NRXN1: variants seen among roughly 807,000 people sequenced by gnomAD.
NRXN1 encodes the protein neurexin 1.
Under a neutral mutation model 150.9 loss-of-function variants are expected in NRXN1, and 39 were observed. The observed-to-expected ratio is 0.26, with a 90% CI of 0.20 to 0.34. NRXN1 has a LOEUF of 0.34. Ranked by LOEUF, NRXN1 falls within the 10% of genes least tolerant of loss-of-function variation. NRXN1 has a pLI of 1.00. For missense variants in NRXN1, 1,815 were observed against 1,949.9 expected (o/e 0.93, Z 1.30); for synonymous variants, 924 against 757.0 (o/e 1.22, Z -3.62).
At chr2:50,507,019 T>C (rs1363027769) in intron 12 of NRXN1, 2 of 162,866 alleles carry the variant, frequency 1.2e-5, no homozygotes, top group African/African-American at 2.4e-5. Flanking sequence ...ACCACTTTCC[T>C]GCTAACAAAG....
chr2:50,262,069 T>A (rs1380281374), intron 17 of NRXN1, among the ~76,000 whole-genome samples: 2 of 151,904 alleles, frequency 1.3e-5, no homozygotes, highest in African/African-American at 4.8e-5. Flanking sequence ...GAGCATGAAG[T>A]AGAAAGTTAA....
intron 5 of NRXN1, among the ~76,000 whole-genome samples, chr2:50,745,263 G>C (rs1699872780): frequency 6.6e-6 from 1 of 151,632 alleles, no homozygotes; most frequent in Non-Finnish European, 1.5e-5. Flanking sequence ...CATAGTAAGT[G>C]CTCAGTAAAT....
intron 18 of NRXN1, chr2:50,185,695 G>A (rs1404685572): frequency 6.6e-6 from 1 of 151,974 alleles, no homozygotes; most frequent in African/African-American, 2.4e-5. Context: ...CTGCATCCTT[G>A]AATCATCACA....
intron 17 of NRXN1, among the ~76,000 whole-genome samples, chr2:50,269,838 G>T (rs940475259): frequency 6.6e-6 from 1 of 152,224 alleles, no homozygotes; most frequent in Non-Finnish European, 1.5e-5. Context: ...AGGCGGAAAG[G>T]TCTAATTTGG....
At chr2:50,590,392 C>G (rs1673958062) in intron 8 of NRXN1, among the ~76,000 whole-genome samples, 1 of 152,134 alleles carries the variant, frequency 6.6e-6, no homozygotes, top group Non-Finnish European at 1.5e-5. Context: ...TTTAATGCCA[C>G]TGCGTCTATG....
At chr2:50,318,473 A>T (rs1168028960) in intron 17 of NRXN1, among the ~76,000 whole-genome samples, 4 of 152,092 alleles carry the variant, frequency 2.6e-5, no homozygotes, top group African/African-American at 9.7e-5. Flanking sequence ...CATGATCCAG[A>T]GTCACATGAA....
chr2:50,431,103 T>C (rs2104368867), intron 17 of NRXN1, among the ~76,000 whole-genome samples: 1 of 152,330 alleles, frequency 6.6e-6, no homozygotes. Flanking sequence ...TGACATCTTA[T>C]TAACCCCTTT....
intron 5 of NRXN1, chr2:50,631,462 T>G (rs1256689555): frequency 6.1e-6 from 1 of 163,372 alleles, no homozygotes; most frequent in Non-Finnish European, 1.3e-5. Flanking sequence ...CAGACAAAAC[T>G]ATGGTCACAT....
At chr2:50,306,800 T>C (rs1480143083) in intron 17 of NRXN1, among the ~76,000 whole-genome samples, 1 of 152,158 alleles carries the variant, frequency 6.6e-6, no homozygotes, top group Non-Finnish European at 1.5e-5. Flanking sequence ...TTAGATGGAG[T>C]TCTAAACTGA....
At chr2:50,824,066 ATTTGCTATGCAGAAGAAT>A (rs768772447) in intron 5 of NRXN1, among the ~76,000 whole-genome samples, 16 of 152,168 alleles carry the variant, frequency 1.1e-4, no homozygotes, top group Non-Finnish European at 1.9e-4. Context: ...ATAGAGCAGG[ATTTGCTATGCAGAAGAAT>A]TTAGAGGAAG....
intron 21 of NRXN1, among the ~76,000 whole-genome samples, chr2:49,978,887 TG>T (rs1490522340): frequency 6.6e-6 from 1 of 152,190 alleles, no homozygotes; most frequent in Non-Finnish European, 1.5e-5. Context: ...TTAAATAATT[TG>T]TTTTAAATTT....
intron 12 of NRXN1, among the ~76,000 whole-genome samples, chr2:50,512,242 G>T (rs2092478218): frequency 6.6e-6 from 1 of 152,196 alleles, no homozygotes; most frequent in African/African-American, 2.4e-5. Flanking sequence ...CATCACTTTT[G>T]TTTTGGCACA....
At chr2:50,937,373 T>A (rs538189869) in intron 2 of NRXN1, among the ~76,000 whole-genome samples, 87 of 152,290 alleles carry the variant, frequency 5.7e-4, no homozygotes, top group African/African-American at 2.0e-3. Context: ...ATTAGTTTCC[T>A]ACCTCAATTT....
chr2:50,749,573 C>A (rs995688364), intron 5 of NRXN1, among the ~76,000 whole-genome samples: 10 of 151,948 alleles, frequency 6.6e-5, no homozygotes, highest in African/African-American at 2.4e-4. Flanking sequence ...ATTATTGCAT[C>A]AAATATAATG....
At chr2:50,392,772 C>T (rs1211086507) in intron 17 of NRXN1, among the ~76,000 whole-genome samples, 2 of 151,938 alleles carry the variant, frequency 1.3e-5, no homozygotes, top group African/African-American at 4.8e-5. Flanking sequence ...AATGGGTATC[C>T]TGAAAGCTAT....
chr2:50,109,052 G>T (rs1012928369), intron 18 of NRXN1, among the ~76,000 whole-genome samples: 24 of 152,100 alleles, frequency 1.6e-4, no homozygotes, highest in Non-Finnish European at 7.4e-5. Context: ...TTGGAATAAA[G>T]AATTAAAATG....
intron 5 of NRXN1, among the ~76,000 whole-genome samples, chr2:50,890,042 G>A (rs1574840141): frequency 6.6e-6 from 1 of 151,722 alleles, no homozygotes. Flanking sequence ...TGCTCATTCT[G>A]TAACATGAGC....
intron 19 of NRXN1, among the ~76,000 whole-genome samples, chr2:50,086,622 G>C (rs562495548): frequency 1.3e-5 from 2 of 152,196 alleles, no homozygotes; most frequent in Admixed American, 6.5e-5. Context: ...GACATGTTCA[G>C]GTTTTCTGGA....
At chr2:50,297,827 G>A (rs973689637) in intron 17 of NRXN1, among the ~76,000 whole-genome samples, 3 of 152,152 alleles carry the variant, frequency 2.0e-5, no homozygotes, top group African/African-American at 7.2e-5. Context: ...TCTTTCCAAA[G>A]AGATAATTTT....
Sources: gnomAD v4.1 joint callset for allele counts (sites outside exome capture counted in the v4.1 genomes callset) on GRCh38, gnomAD v4.1.1 for gene constraint, MANE v1.5 for transcripts, NCBI Gene and HGNC (gene_info 2026-07-23, HGNC 2026-07-21) for gene names.